Variants in DOP1B observed in about 807,000 individuals in gnomAD.
DOP1B encodes DOP1 leucine zipper like protein B, also known as protein DOP1B.
Under a neutral mutation model 233.5 loss-of-function variants are expected in DOP1B, and 174 were observed. The ratio of observed to expected loss-of-function variants is 0.75; its 90% CI spans 0.66 to 0.85. The LOEUF is 0.85. Ranked by LOEUF, DOP1B falls within the 40% of genes least tolerant of loss-of-function variation. The pLI, the probability that DOP1B is intolerant of heterozygous loss-of-function variation, is 0.00. For synonymous variants in DOP1B, 1,190 were observed against 1,185.6 expected, an observed-to-expected ratio of 1.00 and a Z score of -0.08; for missense variants, 2,652 against 2,846.6, an observed-to-expected ratio of 0.93 and a Z score of 1.56.
chr21:36,277,718 G>C (rs993784641), intron 28 of DOP1B, among the ~76,000 whole-genome samples: 1 of 151,166 alleles, frequency 6.6e-6, no homozygotes, highest in African/African-American at 2.4e-5. Flanking sequence ...GCAGTGGCGT[G>C]ATCTCGGCTC....
chr21:36,223,125 C>G (rs776165817), intron 10 of DOP1B, 106 bp from the exon 11 acceptor site: 68 of 1,203,626 alleles, frequency 5.6e-5, no homozygotes, highest in Non-Finnish European at 7.4e-5. Flanking sequence ...GTCAGCTTCT[C>G]TAGAAATAAG....
At chr21:36,187,468 T>G (rs56259022) in intron 2 of DOP1B, among the ~76,000 whole-genome samples, 35,953 of 151,150 alleles carry the variant, frequency 0.24, 4,513 homozygotes, top group African/African-American at 0.3. Context: ...CTAATTTTTG[T>G]TTTTTTTTAG....
At chr21:36,169,797 C>A in intron 2 of DOP1B, 1 of 1,246,086 alleles carries the variant, frequency 8.0e-7, no homozygotes, top group Non-Finnish European at 1.2e-6. Context: ...TGGTAAAGGC[C>A]TTCTTCCTAG....
At chr21:36,257,225 C>T (rs1279270481) in intron 23 of DOP1B, among the ~76,000 whole-genome samples, 2 of 152,158 alleles carry the variant, frequency 1.3e-5, no homozygotes, top group Admixed American at 6.5e-5. Context: ...GGCACAGAAC[C>T]TTCATGTGCT....
intron 7 of DOP1B, 116 bp from the exon 8 acceptor site, chr21:36,213,965 G>C: frequency 2.5e-6 from 2 of 795,220 alleles, no homozygotes; most frequent in Non-Finnish European, 4.1e-6. Flanking sequence ...ATCTGATTTT[G>C]GTTTTCCATC....
chr21:36,229,347 G>A (rs1466600556), intron 13 of DOP1B, among the ~76,000 whole-genome samples: 4 of 152,140 alleles, frequency 2.6e-5, no homozygotes, highest in East Asian at 1.9e-4. Flanking sequence ...TGCCTCCCCC[G>A]AGCTTCTGGT....
At chr21:36,197,553 G>C (rs1269181532) in intron 2 of DOP1B, among the ~76,000 whole-genome samples, 2 of 152,200 alleles carry the variant, frequency 1.3e-5, no homozygotes, top group African/African-American at 2.4e-5. Context: ...GAGTGAGATA[G>C]TCCCTGCCCT....
intron 27 of DOP1B, among the ~76,000 whole-genome samples, chr21:36,276,160 T>C (rs2067347859): frequency 6.6e-6 from 1 of 151,952 alleles, no homozygotes; most frequent in African/African-American, 2.4e-5. Flanking sequence ...AGAACGATGA[T>C]GAGAATGGAA....
At chr21:36,250,149 G>A (rs2067015753) in intron 21 of DOP1B, among the ~76,000 whole-genome samples, 2 of 152,240 alleles carry the variant, frequency 1.3e-5, no homozygotes, top group Non-Finnish European at 2.9e-5. Flanking sequence ...ACCCAGGGCC[G>A]GGGAGCGGGA....
intron 30 of DOP1B, among the ~76,000 whole-genome samples, 167 bp downstream of exon 30, chr21:36,278,522 A>G (rs1313474711): frequency 1.3e-5 from 2 of 152,220 alleles, no homozygotes; most frequent in Non-Finnish European, 2.9e-5. Flanking sequence ...TTCATGGGAA[A>G]GGGATCAAGT....
rs1332627741 is a variant in DOP1B, at chr21:36,278,077, A to T, written c.5815A>T (p.Asn1939Tyr). ...LLYYVFPYLR[N>Y]HSAYNAPSFR... ...TTACTATGTTTTTCCATACTTACGC[A>T]ACCACAGGTAACGTCATCTTCGCCA... The change falls in exon 29 of 37, where the codon AAC (asparagine) becomes TAC (tyrosine). Residue 1939 changes from asparagine (N) to tyrosine (Y), a missense_variant. Physicochemically the swap from Asn to Tyr is moderately radical, Grantham distance 143 (BLOSUM62 -2). Around this residue, in one of 3 missense-constraint regions of DOP1B, gnomAD observed 2,617 missense variants for 2,794.3 expected, o/e 0.94. Transcript: ENST00000691173. 6.2e-7 allele frequency: 1 copy of T among 1,613,918 alleles called. No individual in the cohort carries two copies. The highest frequency in any genetic ancestry group is 1.1e-5 in the South Asian group (1 of 91,080).
chr21:36,168,007 A>G (rs1355428282), intron 2 of DOP1B, among the ~76,000 whole-genome samples: 1 of 134,758 alleles, frequency 7.4e-6, no homozygotes, highest in Non-Finnish European at 1.5e-5. Flanking sequence ...GCAGTGGCAC[A>G]GTCTCGGCTA....
At chr21:36,196,323 G>A (rs1425291899) in intron 2 of DOP1B, among the ~76,000 whole-genome samples, 1 of 152,202 alleles carries the variant, frequency 6.6e-6, no homozygotes, top group African/African-American at 2.4e-5. Context: ...TCGTGGAAAT[G>A]TTTTCTGCGG....
At chr21:36,187,845 C>T (rs1284404110) in intron 2 of DOP1B, among the ~76,000 whole-genome samples, 2 of 152,078 alleles carry the variant, frequency 1.3e-5, no homozygotes, top group Admixed American at 6.6e-5. Context: ...AAGCAATTCA[C>T]CTGCCTCGGC....
chr21:36,210,738 G>T (rs186738977), intron 5 of DOP1B, among the ~76,000 whole-genome samples: 1 of 152,306 alleles, frequency 6.6e-6, no homozygotes, highest in African/African-American at 2.4e-5. Flanking sequence ...CTTGAACGCC[G>T]GTGGCAGAGG....
At position 36,246,861 on chromosome 21, in the gene DOP1B, A is replaced by T. The variant is rs911758164; in HGVS notation, c.4697+184A>T. 6.8e-6 allele frequency among the ~76,000 whole-genome samples: 1 copy of T among 146,774 alleles called. No homozygotes were observed. The highest frequency in any genetic ancestry group is 1.5e-5 in the Non-Finnish European group (1 of 67,666). ...CTGATCCATTATGTTATGTTATGTT[A>T]TGTTATGTTATGTTATGTTATGTTA... On this transcript the variant is annotated intron_variant, in intron 19 of 36. Transcript: ENST00000691173. This position sits in a 1 kb window ranked among gnomAD's most constrained non-coding sequence, Gnocchi z 5.1.
At chr21:36,292,320 G>GGT in intron 36 of DOP1B, 87 bp downstream of exon 36, 1 of 1,100,758 alleles carries the variant, frequency 9.1e-7, no homozygotes, top group Non-Finnish European at 1.3e-6. Context: ...GCAGTGGTGC[G>GGT]GTCTTCGCTT....
chr21:36,266,823 C>G (rs2067236011), intron 26 of DOP1B, among the ~76,000 whole-genome samples: 1 of 152,212 alleles, frequency 6.6e-6, no homozygotes, highest in African/African-American at 2.4e-5. Flanking sequence ...GGAGTTATAG[C>G]TGGGAAATGG....
intron 23 of DOP1B, among the ~76,000 whole-genome samples, chr21:36,259,155 C>A (rs1359664021): frequency 6.6e-6 from 1 of 151,926 alleles, no homozygotes; most frequent in Non-Finnish European, 1.5e-5. Flanking sequence ...TTAGTAGAGA[C>A]AGGGTTTCAC....
Sources: gnomAD v4.1 joint callset for allele counts (sites outside exome capture counted in the v4.1 genomes callset) on GRCh38, gnomAD v4.1.1 for gene constraint, gnomAD v4.1.1 regional missense constraint, Gnocchi (gnomAD v3.1) non-coding constraint, MANE v1.5 for transcripts, NCBI Gene and HGNC (gene_info 2026-07-23, HGNC 2026-07-21) for gene names.